Variants in ZNF121 observed in about 807,000 individuals in gnomAD.
The protein encoded by ZNF121 is zinc finger protein 121.
Under a neutral mutation model 2.4 loss-of-function variants are expected in ZNF121, and 1 was observed. That is an observed-to-expected ratio of 0.41 (90% confidence interval 0.15 to 1.94). ZNF121 has a LOEUF of 1.94. Among genes scored for constraint, ZNF121 ranks in the 30% most tolerant of loss-of-function variants. ZNF121 has a pLI of 0.30. For missense variants in ZNF121, 369 were observed against 466.3 expected (o/e 0.79, Z 1.92); for synonymous variants, 173 against 158.6 (o/e 1.09, Z -0.68).
At position 9,566,252 on chromosome 19, in the gene ZNF121, C is replaced by T. The variant is rs774172631; in HGVS notation, c.861G>A (p.Lys287=). The change falls in exon 4 of 4, where the codon AAG becomes AAA. Residue 287 remains lysine (K), a synonymous_variant. Transcript: ENST00000320451. The part of the protein sequence containing the change: ...IHTGIKPYKC[K]ECGKAFTVSS... ...AAACAGTGAATGCTTTCCCACACTCCTTACATTTATAGGGTTTTATTCCAG... is the reference window on the plus strand; with the variant it reads ...AAACAGTGAATGCTTTCCCACACTCTTTACATTTATAGGGTTTTATTCCAG... The T allele has an allele frequency of 6.8e-6, 11 of 1,614,110 alleles. No homozygotes were observed. Among genetic ancestry groups the T allele is most frequent in the African/African-American group, 1.3e-5 (1 of 75,030 alleles).
In ZNF121 at chr19:9,560,804, T is replaced by A. The variant is rs541107544; in HGVS notation, c.*5136A>T. On this transcript the variant is annotated 3_prime_UTR_variant, in exon 4 of 4. Transcript: ENST00000320451. Reference sequence around the variant, plus strand: ...ACAGGTAGGCATTCACACATTGAGATGCTTTCTTCAGTTCCTTTGGACATG... The same window carrying A: ...ACAGGTAGGCATTCACACATTGAGAAGCTTTCTTCAGTTCCTTTGGACATG... 9.9e-5 allele frequency: 15 copies of A among 152,250 alleles called. No homozygotes were observed. Among genetic ancestry groups the A allele is most frequent in the Admixed American group, 3.3e-4 (5 of 15,284 alleles). The allele number at this position is 152,250 out of a possible 1,614,324, so 9.4% of individuals were successfully genotyped here.
chr19:9,566,693 T>C lies in ZNF121; in HGVS notation c.420A>G (p.Val140=). The C allele has an allele frequency of 1.2e-6, 2 of 1,614,226 alleles. No individual in the cohort carries two copies. Among genetic ancestry groups the C allele is most frequent in the Non-Finnish European group, 1.7e-6 (2 of 1,180,032 alleles). ...SHAVSVKMHT[V]EKPYECKECG... Reference sequence around the variant, plus strand: ...ATTCCTTACATTCGTAGGGTTTTTCTACAGTATGCATTTTAACAGACACAG... The same window carrying C: ...ATTCCTTACATTCGTAGGGTTTTTCCACAGTATGCATTTTAACAGACACAG... Residue 140 remains valine (V), a synonymous_variant, in exon 4 of 4, where the codon GTA becomes GTG. Transcript: ENST00000320451.
At chr19:9,573,840 A>T (rs2074190869) in intron 1 of ZNF121, among the ~76,000 whole-genome samples, 1 of 152,104 alleles carries the variant, frequency 6.6e-6, no homozygotes, top group East Asian at 1.9e-4. Context: ...AGAAGGGAGT[A>T]GGATGACATT....
At chr19:9,583,071 T>A (rs2074259535) in intron 1 of ZNF121, among the ~76,000 whole-genome samples, 2 of 57,486 alleles carry the variant, frequency 3.5e-5, no homozygotes, top group South Asian at 6.3e-4. Context: ...AAAAAAAAAT[T>A]AGCTGGGCAT....
At chr19:9,570,200 CA>C (rs1365775886) in intron 1 of ZNF121, among the ~76,000 whole-genome samples, 2 of 152,024 alleles carry the variant, frequency 1.3e-5, no homozygotes, top group African/African-American at 4.8e-5. Context: ...AGCAAGATTC[CA>C]TCCAAAAACA....
At position 9,563,757 on chromosome 19, in the gene ZNF121, T is replaced by C. The variant is rs1342420876; in HGVS notation, c.*2183A>G. On this transcript the variant is annotated 3_prime_UTR_variant, in exon 4 of 4. Coordinates refer to ENST00000320451, the MANE Select transcript of ZNF121 (RefSeq NM_001008727.5). ...GCTTTCTTGTTAGAGGTCAATGCAGTTGGTGACTTTAAATGAATGCTAATA... is the reference window on the plus strand; with the variant it reads ...GCTTTCTTGTTAGAGGTCAATGCAGCTGGTGACTTTAAATGAATGCTAATA... 5.3e-5 allele frequency: 8 copies of C among 152,222 alleles called. No homozygotes were observed. The highest frequency in any genetic ancestry group is 7.3e-5 in the Non-Finnish European group (5 of 68,038). 9.4% of individuals were successfully genotyped at this position (152,222 alleles called of 1,614,324 possible). A position where few individuals can be genotyped will look rare whatever the true frequency, so the allele number is the denominator to read the frequency against.
intron 1 of ZNF121, among the ~76,000 whole-genome samples, chr19:9,582,219 C>T (rs537649239): frequency 9.2e-5 from 14 of 152,258 alleles, no homozygotes; most frequent in African/African-American, 3.4e-4. Context: ...GCCTCTGAGC[C>T]GAAGCCAAGC....
At chr19:9,574,249 G>A (rs1213435063) in intron 1 of ZNF121, among the ~76,000 whole-genome samples, 3 of 151,962 alleles carry the variant, frequency 2.0e-5, no homozygotes, top group Admixed American at 6.6e-5. Flanking sequence ...AGGTTCAAGC[G>A]ATTCTCCTGC....
intron 1 of ZNF121, among the ~76,000 whole-genome samples, chr19:9,579,970 C>T: frequency 6.6e-6 from 1 of 152,102 alleles, no homozygotes; most frequent in East Asian, 1.9e-4. Context: ...GTGGGAGATT[C>T]TGGGGCCACC....
chr19:9,580,866 A>G (rs560931916), intron 1 of ZNF121, among the ~76,000 whole-genome samples: 4 of 152,318 alleles, frequency 2.6e-5, no homozygotes, highest in African/African-American at 9.6e-5. Flanking sequence ...TCTTTTGAGA[A>G]ACAGGTTGTG....
In ZNF121 at chr19:9,566,182, G is replaced by T; in HGVS notation, c.931C>A (p.Pro311Thr). 6.2e-7 allele frequency: 1 copy of T among 1,614,140 alleles called. No homozygotes were observed. Among genetic ancestry groups the T allele is most frequent in the Non-Finnish European group, 8.5e-7 (1 of 1,180,026 alleles). Residue 311 changes from proline (P) to threonine (T), a missense_variant, in exon 4 of 4, where the codon CCC (proline) becomes ACC (threonine). This residue lies in a region of ZNF121 where 127 missense variants were observed against 169.9 expected (regional missense o/e 0.75). Coordinates refer to ENST00000320451, the MANE Select transcript of ZNF121 (RefSeq NM_001008727.5). ...TTCCCACAGTCCTTACATTCATAGG[G>T]CTTCTCTCCAGTATGGATTTTTACA... is the stretch of plus-strand genomic sequence containing the variant. ...NHVKIHTGEK[P>T]YECKDCGKAF... is the part of the protein sequence containing the mutation.
intron 1 of ZNF121, among the ~76,000 whole-genome samples, chr19:9,578,750 G>A (rs148170455): frequency 1.5e-3 from 231 of 152,078 alleles, no homozygotes; most frequent in African/African-American, 5.3e-3. Flanking sequence ...AGAAACTGGG[G>A]AAACAATCCA....
At chr19:9,567,561 G>A in intron 3 of ZNF121, 1 of 238,834 alleles carries the variant, frequency 4.2e-6, no homozygotes, top group African/African-American at 2.2e-5. Flanking sequence ...GATGGTTTCA[G>A]CATGATTCAA....
At chr19:9,569,707 T>C (rs541412904) in intron 1 of ZNF121, among the ~76,000 whole-genome samples, 2 of 151,872 alleles carry the variant, frequency 1.3e-5, no homozygotes, top group African/African-American at 4.8e-5. Flanking sequence ...AATTTTTTTG[T>C]ATTTTTATAG....
Position 9,566,974 on chromosome 19 carries a change from T to C in ZNF121, c.139A>G (p.Asn47Asp), listed in dbSNP as rs372549548. ...DTYDCDEYGE[N>D]FPMLHNSAPA... ...GCACTGTTGTGTAACATGGGAAAGT[T>C]TTCTCCATACTCATCACAGTCATAA... is the stretch of plus-strand genomic sequence containing the variant. The change falls in exon 4 of 4, where the codon AAC becomes GAC. Residue 47 changes from asparagine (N) to aspartate (D), a missense_variant. Physicochemically the swap from Asn to Asp is conservative, Grantham distance 23 (BLOSUM62 1). Transcript: ENST00000320451. 22 of 1,614,074 alleles carry C rather than the reference T, an allele frequency of 1.4e-5. No individual in the cohort carries two copies. The highest frequency in any genetic ancestry group is 1.8e-5 in the Non-Finnish European group (21 of 1,180,040).
intron 1 of ZNF121, among the ~76,000 whole-genome samples, chr19:9,582,929 A>C (rs1243945826): frequency 2.6e-5 from 1 of 38,202 alleles, no homozygotes; most frequent in Non-Finnish European, 4.3e-5. Context: ...TAAAGCCTCC[A>C]TCCTGGCCAG....
At position 9,568,141 on chromosome 19, in the gene ZNF121, T is replaced by C. The variant is rs2074147505; in HGVS notation, c.-44A>G. ...TTTGTTAAGCCAAAAAAAAATGTTG[T>C]TGAGGTGCTGACACTTTGGTTTTAA... is the stretch of plus-strand genomic sequence containing the variant. On this transcript the variant is annotated 5_prime_UTR_variant, in exon 3 of 4. Transcript: ENST00000320451. The C allele has an allele frequency of 6.5e-7, 1 of 1,537,462 alleles. No homozygotes were observed. Among genetic ancestry groups the C allele is most frequent in the Admixed American group, 1.8e-5 (1 of 56,842 alleles).
In ZNF121 at chr19:9,565,380, A is replaced by AAAAAAAAAAAAAAAAAAAAAAC. The variant is rs2074123319; in HGVS notation, c.*559_*560insGTTTTTTTTTTTTTTTTTTTTT. On this transcript the variant is annotated 3_prime_UTR_variant, in exon 4 of 4. Transcript: ENST00000320451. ...AAAAAAAAAAAAAAAAAAAAAAAAA[A>AAAAAAAAAAAAAAAAAAAAAAC]AAAAAAAGGCCAGGAGCAGTGGCTC... 1 of 142,942 alleles carries AAAAAAAAAAAAAAAAAAAAAAC rather than the reference A, an allele frequency of 7.0e-6. No homozygotes were observed. Among genetic ancestry groups the AAAAAAAAAAAAAAAAAAAAAAC allele is most frequent in the African/African-American group, 2.8e-5 (1 of 36,294 alleles). 8.9% of individuals were successfully genotyped at this position (142,942 alleles called of 1,614,324 possible).
At chr19:9,580,676 T>A (rs543072560) in intron 1 of ZNF121, among the ~76,000 whole-genome samples, 1 of 152,234 alleles carries the variant, frequency 6.6e-6, no homozygotes, top group African/African-American at 2.4e-5. Context: ...CAGGCTGCAC[T>A]GCAGGCTTCC....
Sources: gnomAD v4.1 joint callset for allele counts (sites outside exome capture counted in the v4.1 genomes callset) on GRCh38, gnomAD v4.1.1 for gene constraint, gnomAD v4.1.1 regional missense constraint, MANE v1.5 for transcripts, NCBI Gene and HGNC (gene_info 2026-07-23, HGNC 2026-07-21) for gene names.